DRICH1: variants seen among roughly 807,000 people sequenced by gnomAD.
DRICH1 encodes aspartate rich 1.
Under a neutral mutation model 39.5 loss-of-function variants are expected in DRICH1, and 38 were observed. The ratio of observed to expected loss-of-function variants is 0.96; its 90% CI spans 0.74 to 1.26. The LOEUF (loss-of-function observed/expected upper bound fraction) is 1.26, where lower values mean the gene tolerates loss of function less well. Ranked by LOEUF, DRICH1 falls within the 50% of genes most tolerant of loss-of-function variation. The pLI is 0.00. For synonymous variants in DRICH1, 84 were observed against 99.5 expected (o/e 0.84, Z 0.93); for missense variants, 279 against 270.4 (o/e 1.03, Z -0.22).
chr22:23,617,378 G>T (rs1927420109), intron 7 of DRICH1, among the ~76,000 whole-genome samples, 197 bp downstream of exon 7: 1 of 151,522 alleles, frequency 6.6e-6, no homozygotes, highest in Non-Finnish European at 1.5e-5. Flanking sequence ...GTCTAGGTCA[G>T]CAAAAAAACC....
chr22:23,613,189 A>G, intron 11 of DRICH1, 100 bp downstream of exon 11: 1 of 852,012 alleles, frequency 1.2e-6, no homozygotes, highest in Non-Finnish European at 2.0e-6. Context: ...TTCTGATTTC[A>G]TACCCCCTCC....
the DRICH1 span, among the ~76,000 whole-genome samples, chr22:23,597,250 G>A: frequency 6.5e-4 from 97 of 148,878 alleles, 1 homozygote; most frequent in Middle Eastern, 3.4e-3. Flanking sequence ...TCCAGAATTT[G>A]GGAGGCCAAG....
chr22:23,600,753 A>G, the DRICH1 span, among the ~76,000 whole-genome samples: 1 of 151,498 alleles, frequency 6.6e-6, no homozygotes, highest in African/African-American at 2.4e-5. Flanking sequence ...GCCCACTGCA[A>G]GCTCTGCCTC....
intron 9 of DRICH1, 49 bp from the exon 10 acceptor site, chr22:23,613,709 G>A (rs746411270): frequency 7.4e-6 from 10 of 1,358,406 alleles, no homozygotes; most frequent in African/African-American, 2.9e-5. Context: ...TCTGCTGTGC[G>A]CTTCACACAG....
chr22:23,583,747 T>G, the DRICH1 span: 1 of 152,590 alleles, frequency 6.6e-6, no homozygotes, highest in Non-Finnish European at 1.5e-5. Context: ...CCCAATCCAG[T>G]CTAGCTTCTC....
downstream of DRICH1, among the ~76,000 whole-genome samples, chr22:23,604,649 G>A (rs75907491): frequency 0.02 from 3,069 of 152,258 alleles, 102 homozygotes; most frequent in African/African-American, 0.066. Flanking sequence ...AGCTTTCCTC[G>A]TGGAAGCCCT....
chr22:23,623,779 T>C (rs1440231331), intron 3 of DRICH1: 5 of 220,966 alleles, frequency 2.3e-5, no homozygotes, highest in Non-Finnish European at 3.8e-5. Flanking sequence ...AGCATGCTTC[T>C]AGCTTGGGGG....
chr22:23,590,757 C>A, the DRICH1 span, among the ~76,000 whole-genome samples: 1 of 152,122 alleles, frequency 6.6e-6, no homozygotes, highest in Non-Finnish European at 1.5e-5. Context: ...CACCACCACG[C>A]CCGGATATAT....
chr22:23,598,332 A>G, the DRICH1 span, among the ~76,000 whole-genome samples: 4 of 148,106 alleles, frequency 2.7e-5, no homozygotes, highest in African/African-American at 9.9e-5. Context: ...AGGAGAGAAC[A>G]GCAATGGCTG....
At chr22:23,583,350 G>A in the DRICH1 span, 1 of 152,116 alleles carries the variant, frequency 6.6e-6, no homozygotes, top group Admixed American at 6.6e-5. Context: ...GTGTCCCTGG[G>A]GGCAGTGCCA....
intron 8 of DRICH1, among the ~76,000 whole-genome samples, chr22:23,615,991 C>A (rs1927327531): frequency 6.6e-6 from 1 of 152,200 alleles, no homozygotes; most frequent in Non-Finnish European, 1.5e-5. Flanking sequence ...CAAGGTTGTG[C>A]TTCTCCCTCC....
intron 6 of DRICH1, among the ~76,000 whole-genome samples, chr22:23,618,627 C>T (rs546162361): frequency 6.6e-6 from 1 of 152,180 alleles, no homozygotes; most frequent in African/African-American, 2.4e-5. Flanking sequence ...TGAAACAGGC[C>T]AAGCTCACAG....
At chr22:23,595,560 C>T in the DRICH1 span, among the ~76,000 whole-genome samples, 1 of 152,168 alleles carries the variant, frequency 6.6e-6, no homozygotes, top group Non-Finnish European at 1.5e-5. Flanking sequence ...GAAAATGTAT[C>T]CTAAAATTAA....
the DRICH1 span, among the ~76,000 whole-genome samples, chr22:23,600,823 C>T: frequency 6.6e-6 from 1 of 152,042 alleles, no homozygotes; most frequent in Admixed American, 6.5e-5. Context: ...TGGGCACCCG[C>T]CACCATGACC....
the DRICH1 span, among the ~76,000 whole-genome samples, chr22:23,586,433 G>A: frequency 1.3e-5 from 2 of 152,204 alleles, no homozygotes; most frequent in Admixed American, 1.3e-4. Context: ...AGGCTGCAAT[G>A]AACTGTGATC....
rs200320311 is a variant in DRICH1 at position 23,631,960 on chromosome 22, G to A, written c.64C>T (p.Pro22Ser). 2.5e-6 allele frequency: 4 copies of A among 1,613,718 alleles called. No individual in the cohort carries two copies. The highest frequency in any genetic ancestry group is 2.5e-6 in the Non-Finnish European group (3 of 1,180,016). Residue 22 changes from proline to serine, a missense_variant, in exon 1 of 12, where the codon CCC becomes TCC. By Grantham distance (74) the Pro-to-Ser change is moderately conservative. Transcript: ENST00000317749. ...ATATCAGTATCAGATTCATAACAGGGTGCGTCCTTCCCCCTGGGCCAGCCA... is the reference window on the plus strand; with the variant it reads ...ATATCAGTATCAGATTCATAACAGGATGCGTCCTTCCCCCTGGGCCAGCCA... ...HCGWPRGKDA[P>S]CYESDTDIYE...
At chr22:23,625,951 TC>T in intron 2 of DRICH1, 29 bp downstream of exon 2, 2 of 1,575,332 alleles carry the variant, frequency 1.3e-6, no homozygotes, top group Non-Finnish European at 1.7e-6. Context: ...AAGCAACATT[TC>T]CTTAGAAGGC....
chr22:23,596,411 C>T, the DRICH1 span, among the ~76,000 whole-genome samples: 16 of 127,522 alleles, frequency 1.3e-4, no homozygotes, highest in African/African-American at 3.8e-4. Context: ...AGGTACATGG[C>T]ACCCCCGTTT....
chr22:23,597,516 A>AG, the DRICH1 span, among the ~76,000 whole-genome samples: 8 of 151,406 alleles, frequency 5.3e-5, no homozygotes, highest in Non-Finnish European at 1.0e-4. Flanking sequence ...AAAAAAAAAA[A>AG]AAGGAAAAAA....
Sources: gnomAD v4.1 joint callset for allele counts (sites outside exome capture counted in the v4.1 genomes callset) on GRCh38, gnomAD v4.1.1 for gene constraint, MANE v1.5 for transcripts, NCBI Gene and HGNC (gene_info 2026-07-23, HGNC 2026-07-21) for gene names.